The following HHAT variants were observed in gnomAD, a reference collection of about 807,000 sequenced individuals.
HHAT encodes protein-cysteine N-palmitoyltransferase HHAT.
In HHAT, 47 loss-of-function variants were observed where a neutral mutation model predicts 70.8. That is an observed-to-expected ratio of 0.66 (90% CI 0.53 to 0.85). The LOEUF is 0.85. Ranked by LOEUF, HHAT falls within the 40% of genes least tolerant of loss-of-function variation. The pLI, the probability that HHAT is intolerant of heterozygous loss-of-function variation, is 0.00. For missense variants in HHAT, 609 were observed against 604.8 expected (o/e 1.01, Z -0.07); for synonymous variants, 228 against 247.6 (o/e 0.92, Z 0.74).
At chr1:210,481,176 A>G (rs572318527) in intron 8 of HHAT, among the ~76,000 whole-genome samples, 1 of 152,312 alleles carries the variant, frequency 6.6e-6, no homozygotes, top group African/African-American at 2.4e-5. Context: ...TACAGTTAAT[A>G]TCACTTTACA....
chr1:210,647,175 G>T (rs1427582952), intron 11 of HHAT, among the ~76,000 whole-genome samples: 1 of 152,152 alleles, frequency 6.6e-6, no homozygotes, highest in Non-Finnish European at 1.5e-5. Context: ...CGCTTTTCAT[G>T]TTCCTTGGAT....
chr1:210,614,747 T>C (rs1432813333), intron 10 of HHAT, among the ~76,000 whole-genome samples: 2 of 152,228 alleles, frequency 1.3e-5, no homozygotes, highest in Non-Finnish European at 2.9e-5. Context: ...GAACTCATCA[T>C]TTTTTATGGC....
chr1:210,647,567 C>T (rs1285556343), intron 11 of HHAT, among the ~76,000 whole-genome samples: 7 of 152,110 alleles, frequency 4.6e-5, no homozygotes, highest in African/African-American at 1.4e-4. Flanking sequence ...TGCTTCCCAC[C>T]GCCCCCAGCC....
chr1:210,614,010 C>A (rs1248839756), intron 10 of HHAT, among the ~76,000 whole-genome samples: 1 of 113,750 alleles, frequency 8.8e-6, no homozygotes, highest in African/African-American at 3.2e-5. Flanking sequence ...CAGAGTGAGA[C>A]CCTGCCTCAA....
At chr1:210,608,589 T>TC (rs1384339908) in intron 10 of HHAT, among the ~76,000 whole-genome samples, 1 of 152,192 alleles carries the variant, frequency 6.6e-6, no homozygotes, top group Non-Finnish European at 1.5e-5. Context: ...TCCCCAAAAC[T>TC]CTGTTTGGTA....
intron 9 of HHAT, among the ~76,000 whole-genome samples, chr1:210,571,954 T>C (rs1656380277): frequency 6.6e-6 from 1 of 152,224 alleles, no homozygotes; most frequent in Non-Finnish European, 1.5e-5. Context: ...TCAATTACCA[T>C]GGGATTTTTC....
intron 9 of HHAT, among the ~76,000 whole-genome samples, chr1:210,534,458 G>A (rs2148643452): frequency 6.6e-6 from 1 of 152,124 alleles, no homozygotes; most frequent in South Asian, 2.1e-4. Flanking sequence ...CCCACGTCCT[G>A]TACATGTACA....
Position 210,411,728 on chromosome 1 carries a change from A to G in HHAT, c.685-6426A>G, listed in dbSNP as rs117835447. Among the ~76,000 whole-genome samples, 34 of 152,308 alleles carry G rather than the reference A, an allele frequency of 2.2e-4. No individual in the cohort carries two copies. The East Asian group carries it at 5.6e-3, about 25-fold the overall frequency. ...ATCATTGCATTCTAGCCTGGGCAAT[A>G]GAGTGACACCCTGTGTCATAAAGAA... On this transcript the variant is annotated intron_variant, in intron 6 of 11. Coordinates refer to ENST00000261458, the MANE Select transcript of HHAT (RefSeq NM_018194.6).
At chr1:210,345,799 C>G (rs1183693415) in intron 1 of HHAT, among the ~76,000 whole-genome samples, 2 of 152,184 alleles carry the variant, frequency 1.3e-5, no homozygotes, top group Non-Finnish European at 2.9e-5. Context: ...AAGAGCAGCA[C>G]TAAGCTGGGT....
chr1:210,620,070 G>A (rs932883651), intron 10 of HHAT, among the ~76,000 whole-genome samples: 1 of 152,188 alleles, frequency 6.6e-6, no homozygotes, highest in Non-Finnish European at 1.5e-5. Context: ...TCCCACTCGT[G>A]AGGCTTGCAT....
At chr1:210,353,477 A>G (rs2087275417) in intron 2 of HHAT, among the ~76,000 whole-genome samples, 1 of 147,022 alleles carries the variant, frequency 6.8e-6, no homozygotes, top group Admixed American at 6.8e-5. Context: ...CTGGGAGGGG[A>G]AGTCTTTGAC....
chr1:210,623,515 T>G lies in HHAT; in HGVS notation c.1246-11T>G. 1 of 1,613,856 alleles carries G rather than the reference T, an allele frequency of 6.2e-7. No individual in the cohort carries two copies. Reference sequence around the variant, plus strand: ...TTGTCATGAGATGCTTTCTTGCCATTTTTCCCGTAGGCCCGATACTTCTCC... The same window carrying G: ...TTGTCATGAGATGCTTTCTTGCCATGTTTCCCGTAGGCCCGATACTTCTCC... On this transcript the variant is annotated splice_polypyrimidine_tract_variant and intron_variant, in intron 10 of 11. Transcript: ENST00000261458.
intron 8 of HHAT, among the ~76,000 whole-genome samples, chr1:210,509,879 A>T (rs1043993518): frequency 5.3e-5 from 8 of 152,172 alleles, no homozygotes; most frequent in African/African-American, 1.2e-4. Flanking sequence ...GGTGATTTTT[A>T]AAAAACCTGC....
chr1:210,525,162 A>G (rs190973419), intron 9 of HHAT, among the ~76,000 whole-genome samples: 4 of 152,090 alleles, frequency 2.6e-5, no homozygotes, highest in African/African-American at 4.8e-5. Flanking sequence ...CTGAAGGCCT[A>G]GTTCTTAGCC....
chr1:210,661,559 C>A (rs895038465), intron 11 of HHAT, among the ~76,000 whole-genome samples: 1 of 152,090 alleles, frequency 6.6e-6, no homozygotes, highest in African/African-American at 2.4e-5. Context: ...GGGTATATAC[C>A]CAAAGGATTA....
intron 4 of HHAT, among the ~76,000 whole-genome samples, chr1:210,399,485 C>T (rs1415280637): frequency 6.6e-6 from 1 of 152,060 alleles, no homozygotes; most frequent in African/African-American, 2.4e-5. Flanking sequence ...AACTCCTGAC[C>T]TCAGGTGATG....
At chr1:210,556,984 C>T (rs2095578633) in intron 9 of HHAT, among the ~76,000 whole-genome samples, 1 of 152,130 alleles carries the variant, frequency 6.6e-6, no homozygotes, top group Admixed American at 6.5e-5. Flanking sequence ...GGGGATGGGA[C>T]CCAGATGTGA....
chr1:210,365,640 G>A lies in HHAT; in HGVS notation c.159+2721G>A, dbSNP rs575935893. On this transcript the variant is annotated intron_variant, in intron 3 of 11. Coordinates refer to ENST00000261458, the MANE Select transcript of HHAT (RefSeq NM_018194.6). ...GCTGACATTTTATTTTGTTGAGATA[G>A]GGTCTCGCTCTGTAACCCAGGCTGG... 6.4e-4 allele frequency among the ~76,000 whole-genome samples: 95 copies of A among 148,626 alleles called. 1 individual carries two copies. Among genetic ancestry groups the A allele is most frequent in the African/African-American group, 2.2e-3 (88 of 40,130 alleles).
chr1:210,600,283 A>G (rs1238513779), intron 10 of HHAT, among the ~76,000 whole-genome samples: 3 of 152,216 alleles, frequency 2.0e-5, no homozygotes, highest in Admixed American at 6.5e-5. Context: ...GAATAAAAGA[A>G]AGAATGAATG....
Sources: allele counts gnomAD v4.1 joint callset (sites outside exome capture counted in the v4.1 genomes callset), GRCh38; gene constraint gnomAD v4.1.1; transcripts MANE v1.5; gene names NCBI Gene and HGNC (gene_info 2026-07-23, HGNC 2026-07-21).